PSD3: variants seen among roughly 807,000 people sequenced by gnomAD.
PSD3 encodes the protein PH and SEC7 domain-containing protein 3.
In PSD3, 49 loss-of-function variants were observed where a neutral mutation model predicts 105.5. The observed-to-expected ratio is 0.46, with a 90% CI of 0.37 to 0.59. The LOEUF (loss-of-function observed/expected upper bound fraction) is 0.59. PSD3 is among the 20% of genes least tolerant of loss of function. PSD3 has a pLI of 0.00. For synonymous variants in PSD3, 557 were observed against 457.8 expected (o/e 1.22, Z -2.77); for missense variants, 1,561 against 1,263.8 (o/e 1.24, Z -3.57).
At chr8:18,703,378 G>C (rs929202557) in intron 9 of PSD3, among the ~76,000 whole-genome samples, 1 of 152,122 alleles carries the variant, frequency 6.6e-6, no homozygotes, top group Non-Finnish European at 1.5e-5. Flanking sequence ...GTATGAAAAG[G>C]TGCTCATTAA....
chr8:18,554,191 G>A (rs907085852), intron 15 of PSD3, among the ~76,000 whole-genome samples: 5 of 152,152 alleles, frequency 3.3e-5, no homozygotes, highest in Non-Finnish European at 7.4e-5. Flanking sequence ...GGGCTCCAGC[G>A]AGGTGCTGAG....
chr8:18,711,718 C>T (rs1050176612), intron 9 of PSD3, among the ~76,000 whole-genome samples: 3 of 152,096 alleles, frequency 2.0e-5, no homozygotes, highest in East Asian at 1.9e-4. Context: ...TCAGACAGAT[C>T]GTCAAGAGAG....
chr8:18,844,219 A>C (rs1284834560), intron 4 of PSD3, among the ~76,000 whole-genome samples: 2 of 152,208 alleles, frequency 1.3e-5, no homozygotes, highest in Non-Finnish European at 2.9e-5. Flanking sequence ...TAGTCTTCAA[A>C]TACGAAGGTA....
At chr8:18,760,707 A>T (rs1192884039) in intron 9 of PSD3, among the ~76,000 whole-genome samples, 1 of 152,188 alleles carries the variant, frequency 6.6e-6, no homozygotes, top group Non-Finnish European at 1.5e-5. Context: ...CAGAGTGAAG[A>T]GTTTCAGAAA....
intron 1 of PSD3, among the ~76,000 whole-genome samples, chr8:19,048,512 G>GA (rs1828403218): frequency 6.6e-6 from 1 of 151,794 alleles, no homozygotes; most frequent in Non-Finnish European, 1.5e-5. Context: ...ACTCAAAGCA[G>GA]TTTAACTGCC....
At chr8:19,060,029 C>A in intron 1 of PSD3, among the ~76,000 whole-genome samples, 1 of 152,224 alleles carries the variant, frequency 6.6e-6, no homozygotes, top group East Asian at 1.9e-4. Flanking sequence ...AAAGTCCACC[C>A]TTAAATGTCA....
At chr8:19,083,011 G>T (rs906679590) in intron 1 of PSD3, among the ~76,000 whole-genome samples, 1 of 152,150 alleles carries the variant, frequency 6.6e-6, no homozygotes, top group African/African-American at 2.4e-5. Flanking sequence ...GCAGGAGAGG[G>T]CATGGTGTTT....
chr8:19,040,209 T>A (rs1178917069), intron 1 of PSD3, among the ~76,000 whole-genome samples: 1 of 152,188 alleles, frequency 6.6e-6, no homozygotes, highest in East Asian at 1.9e-4. Context: ...TTATTTTATT[T>A]ATTTATTTTT....
At chr8:18,599,718 C>A (rs1203845339) in intron 12 of PSD3, among the ~76,000 whole-genome samples, 3 of 151,990 alleles carry the variant, frequency 2.0e-5, no homozygotes, top group Non-Finnish European at 1.5e-5. Context: ...GGGCGTGAAA[C>A]CCGAGTATGC....
intron 10 of PSD3, among the ~76,000 whole-genome samples, chr8:18,649,653 A>G (rs2130829461): frequency 6.6e-6 from 1 of 152,266 alleles, no homozygotes; most frequent in Middle Eastern, 3.4e-3. Flanking sequence ...GGCGCCAGGG[A>G]TGGAATGATA....
intron 1 of PSD3, among the ~76,000 whole-genome samples, chr8:19,026,944 G>T (rs954902760): frequency 6.6e-6 from 1 of 151,848 alleles, no homozygotes; most frequent in Non-Finnish European, 1.5e-5. Context: ...GTGAGTGAAA[G>T]AATTCTCTCT....
intron 4 of PSD3, among the ~76,000 whole-genome samples, chr8:18,807,669 T>C (rs1015304942): frequency 6.6e-6 from 1 of 152,208 alleles, no homozygotes; most frequent in African/African-American, 2.4e-5. Context: ...CAAACTAACA[T>C]GTATGGTAAC....
chr8:19,047,700 AGTAGGGATGT>A, intron 1 of PSD3, among the ~76,000 whole-genome samples: 1 of 152,130 alleles, frequency 6.6e-6, no homozygotes, highest in East Asian at 1.9e-4. Context: ...ACGGGCACTC[AGTAGGGATGT>A]GTTGAATGAT....
intron 9 of PSD3, among the ~76,000 whole-genome samples, chr8:18,676,441 C>T (rs1800068290): frequency 6.6e-6 from 1 of 152,160 alleles, no homozygotes; most frequent in African/African-American, 2.4e-5. Context: ...ATGCCATACC[C>T]GCTAACCCTG....
At chr8:18,622,829 T>C (rs998791146) in intron 11 of PSD3, among the ~76,000 whole-genome samples, 1 of 152,214 alleles carries the variant, frequency 6.6e-6, no homozygotes, top group Non-Finnish European at 1.5e-5. Context: ...TCTCTCTCCC[T>C]GCTCCCTCTT....
At chr8:18,993,639 T>G (rs577504924) in intron 1 of PSD3, among the ~76,000 whole-genome samples, 7 of 152,102 alleles carry the variant, frequency 4.6e-5, no homozygotes, top group African/African-American at 1.7e-4. Flanking sequence ...AGTTGTATGC[T>G]TTAGCTCTCA....
At chr8:18,687,683 G>C (rs376514483) in intron 9 of PSD3, among the ~76,000 whole-genome samples, 2 of 152,024 alleles carry the variant, frequency 1.3e-5, no homozygotes, top group Non-Finnish European at 2.9e-5. Flanking sequence ...GTGTGTCCAC[G>C]TGCGTGTGTG....
chr8:19,041,790 C>T (rs990309374), intron 1 of PSD3, among the ~76,000 whole-genome samples: 13 of 152,244 alleles, frequency 8.5e-5, no homozygotes, highest in Admixed American at 2.6e-4. Flanking sequence ...AGTTTTCTGA[C>T]GCATTATTTA....
chr8:18,666,867 T>C (rs191073547), intron 9 of PSD3, among the ~76,000 whole-genome samples: 98 of 152,286 alleles, frequency 6.4e-4, no homozygotes, highest in African/African-American at 2.3e-3. Context: ...TTGAAACAGA[T>C]TGGAATGCTA....
Sources: allele counts gnomAD v4.1 joint callset (sites outside exome capture counted in the v4.1 genomes callset), GRCh38; gene constraint gnomAD v4.1.1; transcripts MANE v1.5; gene names NCBI Gene and HGNC (gene_info 2026-07-23, HGNC 2026-07-21).